Variants in SPATA17 observed in about 807,000 individuals in gnomAD.
SPATA17 encodes the protein spermatogenesis associated 17.
In SPATA17, 53 loss-of-function variants were observed where a neutral mutation model predicts 62.2. That is an observed-to-expected ratio of 0.85 (90% CI 0.68 to 1.07). The LOEUF (loss-of-function observed/expected upper bound fraction) is 1.07. Ranked by LOEUF, SPATA17 falls within the 50% of genes least tolerant of loss-of-function variation. The probability of loss-of-function intolerance (pLI) is 0.00; values close to 1 mark genes in which losing one functional copy is unlikely to be tolerated. For missense variants in SPATA17, 466 were observed against 425.5 expected (o/e 1.10, Z -0.84); for synonymous variants, 146 against 146.8 (o/e 0.99, Z 0.04).
At chr1:217,708,727 CA>C (rs776027409) in intron 5 of SPATA17, among the ~76,000 whole-genome samples, 23 of 142,456 alleles carry the variant, frequency 1.6e-4, no homozygotes, top group South Asian at 2.2e-4. Context: ...GATGCAACAA[CA>C]AAAAAAAAAA....
intron 8 of SPATA17, among the ~76,000 whole-genome samples, chr1:217,796,612 A>G (rs1674157348): frequency 6.6e-6 from 1 of 152,298 alleles, no homozygotes; most frequent in South Asian, 2.1e-4. Context: ...AATTTGTACT[A>G]TGAATTCTAC....
At chr1:217,826,338 A>T (rs990399095) in intron 9 of SPATA17, among the ~76,000 whole-genome samples, 4 of 152,254 alleles carry the variant, frequency 2.6e-5, no homozygotes, top group African/African-American at 9.6e-5. Flanking sequence ...ATCTCTTTGT[A>T]GGCCCAAATA....
chr1:217,751,942 C>T (rs1244820954), intron 6 of SPATA17, among the ~76,000 whole-genome samples: 1 of 152,148 alleles, frequency 6.6e-6, no homozygotes. Context: ...TGACTGGGGA[C>T]AGATCCATGT....
chr1:217,810,499 G>T (rs1674560120), intron 9 of SPATA17, among the ~76,000 whole-genome samples: 1 of 152,030 alleles, frequency 6.6e-6, no homozygotes, highest in Non-Finnish European at 1.5e-5. Context: ...GCACACACCT[G>T]TAATCTCAGC....
rs1672490396 is a variant in SPATA17 at position 217,735,424 on chromosome 1, C to T, written c.396-6551C>T. Among the ~76,000 whole-genome samples the T allele has an allele frequency of 2.0e-5, 3 of 152,282 alleles. No individual in the cohort carries two copies. In the South Asian group the frequency reaches 6.2e-4, roughly 32 times the overall value. ...CTAATCCCATTCAATGGGGGATCCA[C>T]CTCCATAATTGAATTACCTCCCAAA... is the stretch of plus-strand genomic sequence containing the variant. On this transcript the variant is annotated intron_variant, in intron 5 of 10. Transcript: ENST00000366933.
chr1:217,783,338 C>T (rs1383445139), intron 8 of SPATA17, among the ~76,000 whole-genome samples: 2 of 151,782 alleles, frequency 1.3e-5, no homozygotes, highest in African/African-American at 2.4e-5. Flanking sequence ...TTTACACAAA[C>T]ATATCAAAGA....
intron 9 of SPATA17, among the ~76,000 whole-genome samples, chr1:217,848,035 C>CA (rs551098576): frequency 5.3e-4 from 79 of 147,988 alleles, no homozygotes; most frequent in African/African-American, 1.8e-3. Flanking sequence ...GACGCTGTCT[C>CA]AAAAAAAAAG....
At chr1:217,765,376 A>G (rs978748698) in intron 6 of SPATA17, among the ~76,000 whole-genome samples, 1 of 151,392 alleles carries the variant, frequency 6.6e-6, no homozygotes, top group African/African-American at 2.4e-5. Context: ...TTGATTTTAT[A>G]TATTTTTTCT....
At chr1:217,847,192 T>G (rs1345304176) in intron 9 of SPATA17, among the ~76,000 whole-genome samples, 1 of 151,926 alleles carries the variant, frequency 6.6e-6, no homozygotes, top group East Asian at 1.9e-4. Flanking sequence ...AAATAATATA[T>G]TAATATTAAG....
intron 1 of SPATA17, among the ~76,000 whole-genome samples, chr1:217,633,627 A>T (rs1282303526): frequency 6.6e-6 from 1 of 152,210 alleles, no homozygotes; most frequent in Admixed American, 6.5e-5. Flanking sequence ...AAGCTGATTT[A>T]ATTAAATTGC....
intron 9 of SPATA17, among the ~76,000 whole-genome samples, chr1:217,812,588 G>A (rs1345367899): frequency 6.6e-6 from 1 of 152,018 alleles, no homozygotes; most frequent in African/African-American, 2.4e-5. Context: ...TTTAAGATCA[G>A]GTAAATTCTT....
At chr1:217,760,053 C>T (rs1027759838) in intron 6 of SPATA17, among the ~76,000 whole-genome samples, 1 of 152,074 alleles carries the variant, frequency 6.6e-6, no homozygotes, top group East Asian at 1.9e-4. Flanking sequence ...CCCAATAGTA[C>T]ACCCAAAAAT....
intron 6 of SPATA17, among the ~76,000 whole-genome samples, chr1:217,762,160 G>A (rs145993341): frequency 6.6e-6 from 1 of 151,954 alleles, no homozygotes; most frequent in Non-Finnish European, 1.5e-5. Context: ...TTTCCCCTTG[G>A]CTCTTCTCTC....
At chr1:217,670,945 C>T (rs182651239) in intron 4 of SPATA17, among the ~76,000 whole-genome samples, 6,344 of 135,156 alleles carry the variant, frequency 0.047, 212 homozygotes, top group Middle Eastern at 0.11. Context: ...AGCAAGACTC[C>T]GTCTCAGGAA....
chr1:217,812,164 A>G (rs951422857), intron 9 of SPATA17, among the ~76,000 whole-genome samples: 1 of 152,158 alleles, frequency 6.6e-6, no homozygotes, highest in Non-Finnish European at 1.5e-5. Context: ...CACTTATATT[A>G]TTTTTAAACA....
Position 217,753,518 on chromosome 1 carries a change from C to A in SPATA17, c.519+11420C>A, listed in dbSNP as rs558374022. Among the ~76,000 whole-genome samples, 18 of 151,976 alleles carry A rather than the reference C, an allele frequency of 1.2e-4. No individual in the cohort carries two copies. The South Asian group carries it at 3.7e-3, about 32-fold the overall frequency. ...ATCAAACTCAGGATCAGTTTATTTT[C>A]ATTTAGTAGATTCGGTGCCTTTTTT... On this transcript the variant is annotated intron_variant, in intron 6 of 10. Transcript: ENST00000366933.
At chr1:217,763,660 A>T (rs1251200991) in intron 6 of SPATA17, among the ~76,000 whole-genome samples, 1 of 152,242 alleles carries the variant, frequency 6.6e-6, no homozygotes, top group African/African-American at 2.4e-5. Flanking sequence ...TAAGCACAGC[A>T]GATGGAGAGA....
chr1:217,649,109 C>A (rs1050953417), intron 2 of SPATA17, 138 bp downstream of exon 2: 11 of 576,618 alleles, frequency 1.9e-5, no homozygotes, highest in Non-Finnish European at 2.9e-5. Flanking sequence ...GTATGTATTT[C>A]TTTTAAAAGA....
At chr1:217,790,909 T>C (rs1673982294) in intron 8 of SPATA17, among the ~76,000 whole-genome samples, 1 of 152,174 alleles carries the variant, frequency 6.6e-6, no homozygotes, top group East Asian at 1.9e-4. Context: ...CATTAAAGAA[T>C]AGTGAAAAGA....
Sources: gnomAD v4.1 joint callset for allele counts (sites outside exome capture counted in the v4.1 genomes callset) on GRCh38, gnomAD v4.1.1 for gene constraint, MANE v1.5 for transcripts, NCBI Gene and HGNC (gene_info 2026-07-23, HGNC 2026-07-21) for gene names.